The following BCAR1 variants were observed in gnomAD, a reference collection of about 807,000 sequenced individuals.
The protein encoded by BCAR1 is breast cancer anti-estrogen resistance protein 1.
In BCAR1, 30 loss-of-function variants were observed where a neutral mutation model predicts 67.6. That is an observed-to-expected ratio of 0.44 (90% CI 0.33 to 0.60). BCAR1 has a LOEUF of 0.60. BCAR1 is among the 20% of genes least tolerant of loss of function. The probability of loss-of-function intolerance (pLI) is 0.02; values close to 1 mark genes in which losing one functional copy is unlikely to be tolerated. For synonymous variants in BCAR1, 626 were observed against 556.7 expected, an observed-to-expected ratio of 1.12 and a Z score of -1.75; for missense variants, 1,313 against 1,222.3, an observed-to-expected ratio of 1.07 and a Z score of -1.11.
Position 75,233,933 on chromosome 16 carries a change from C to T in BCAR1, c.2013G>A (p.Gly671=). The T allele has an allele frequency of 6.2e-7, 1 of 1,604,572 alleles. No individual in the cohort carries two copies. The highest frequency in any genetic ancestry group is 8.5e-7 in the Non-Finnish European group (1 of 1,175,374). The change falls in exon 6 of 7, where the codon GGG becomes GGA. Residue 671 remains glycine, a splice_region_variant and synonymous_variant. Coordinates refer to ENST00000162330, the MANE Select transcript of BCAR1 (RefSeq NM_014567.5). ...MEDYDYVHLQ[G]KEEFEKTQKE... Reference sequence around the variant, plus strand: ...TCTGGGTCTTCTCAAACTCCTCCTTCCCCTGGAGGGCAGAGACAGGGGCTG... The same window carrying T: ...TCTGGGTCTTCTCAAACTCCTCCTTTCCCTGGAGGGCAGAGACAGGGGCTG...
intron 5 of BCAR1, 113 bp downstream of exon 5, chr16:75,234,776 G>A (rs1014616999): frequency 5.1e-5 from 74 of 1,441,626 alleles, no homozygotes; most frequent in Non-Finnish European, 6.3e-5. Context: ...CAAAGTGAGA[G>A]GAGGGTGCAG....
chr16:75,255,648 G>A (rs2077757138), upstream of BCAR1, among the ~76,000 whole-genome samples: 1 of 150,984 alleles, frequency 6.6e-6, no homozygotes, highest in African/African-American at 2.4e-5. Flanking sequence ...CTGAGATCAC[G>A]CCACTGTACT....
At chr16:75,267,563 G>A (rs1003699248) in intron 1 of BCAR1, among the ~76,000 whole-genome samples, 3 of 152,016 alleles carry the variant, frequency 2.0e-5, no homozygotes, top group African/African-American at 4.8e-5. Flanking sequence ...CTGGCCACAC[G>A]CCCTGCTGTC....
intron 1 of BCAR1, among the ~76,000 whole-genome samples, chr16:75,251,182 G>C (rs1296588650): frequency 6.6e-6 from 1 of 152,062 alleles, no homozygotes; most frequent in Non-Finnish European, 1.5e-5. Flanking sequence ...CCGTCGGCCG[G>C]GGAGCGCGGG....
chr16:75,258,731 G>A (rs552350414), intron 1 of BCAR1, among the ~76,000 whole-genome samples: 7 of 152,344 alleles, frequency 4.6e-5, no homozygotes, highest in Non-Finnish European at 7.3e-5. Context: ...CTCCTTCGGC[G>A]TGAAGAGCCA....
At chr16:75,248,156 T>C in intron 1 of BCAR1, 1 of 1,586,880 alleles carries the variant, frequency 6.3e-7, no homozygotes, top group Non-Finnish European at 8.5e-7. Flanking sequence ...TGAGACACGG[T>C]GGAGCTGGGT....
At chr16:75,246,460 T>C (rs557875770) in intron 1 of BCAR1, 1 of 152,384 alleles carries the variant, frequency 6.6e-6, no homozygotes, top group African/African-American at 2.4e-5. Flanking sequence ...GAGAAGGCCT[T>C]TGCATACAGG....
At chr16:75,252,340 A>G (rs867441430), upstream of BCAR1, 41 of 1,534,708 alleles carry the variant, frequency 2.7e-5, no homozygotes, top group African/African-American at 4.7e-4. Flanking sequence ...TGGGCCTAGT[A>G]CCCTCCTGAG....
chr16:75,265,811 G>GGC, intron 1 of BCAR1: 2 of 1,197,306 alleles, frequency 1.7e-6, no homozygotes, highest in African/African-American at 1.6e-5. Flanking sequence ...GGTCCCGGGC[G>GGC]GCGCGGTACT....
chr16:75,259,725 G>T (rs1162877582), intron 1 of BCAR1, among the ~76,000 whole-genome samples: 1 of 151,684 alleles, frequency 6.6e-6, no homozygotes. Context: ...GGTGGCAGGC[G>T]CCTGTAATCC....
chr16:75,253,147 G>C (rs191860067), upstream of BCAR1, among the ~76,000 whole-genome samples: 1 of 152,052 alleles, frequency 6.6e-6, no homozygotes, highest in Admixed American at 6.5e-5. Context: ...CCAGCCTTCA[G>C]GGAAGCTGCC....
At chr16:75,259,268 G>T (rs1597281531) in intron 1 of BCAR1, among the ~76,000 whole-genome samples, 1 of 152,230 alleles carries the variant, frequency 6.6e-6, no homozygotes, top group Non-Finnish European at 1.5e-5. Context: ...CATACAATTG[G>T]ATATCAGGTT....
In BCAR1 at chr16:75,229,284, C is replaced by G; in HGVS notation, c.*227G>C. 3.0e-6 allele frequency: 2 copies of G among 662,302 alleles called. No homozygotes were observed. The highest frequency in any genetic ancestry group is 4.7e-6 in the Non-Finnish European group (2 of 424,748). The allele number at this position is 662,302 out of a possible 1,614,324, so 41.0% of individuals were successfully genotyped here. On this transcript the variant is annotated 3_prime_UTR_variant, in exon 7 of 7. Transcript: ENST00000162330. ...ACCCAACCCGGGCCCGTGGTGCATG[C>G]TGGGGAAGGCCACTGGCCGGCCCCT...
rs2077103456 is a variant in BCAR1 at position 75,235,801 on chromosome 16, G to A, written c.1098C>T (p.Pro366=). ...PPAEDVYDVP[P]PAPDLYDVPP... is the part of the protein sequence containing the mutation. ...GCACGTCGTAGAGGTCAGGAGCCGGGGGCGGCACGTCATACACGTCCTCGG... is the reference window on the plus strand; with the variant it reads ...GCACGTCGTAGAGGTCAGGAGCCGGAGGCGGCACGTCATACACGTCCTCGG... The change falls in exon 5 of 7, where the codon CCC becomes CCT. Residue 366 remains proline (P), a synonymous_variant. Coordinates refer to ENST00000162330, the MANE Select transcript of BCAR1 (RefSeq NM_014567.5). 2.5e-6 allele frequency: 4 copies of A among 1,592,780 alleles called. No individual in the cohort carries two copies. The highest frequency in any genetic ancestry group is 3.4e-6 in the Non-Finnish European group (4 of 1,169,332).
In BCAR1 at chr16:75,235,816, C is replaced by A; in HGVS notation, c.1083G>T (p.Val361=). Residue 361 remains valine, a synonymous_variant, in exon 5 of 7, where the codon GTG becomes GTT. Transcript: ENST00000162330. Reference sequence around the variant, plus strand: ...CAGGAGCCGGGGGCGGCACGTCATACACGTCCTCGGCCGGCGGGGAGTCTG... The same window carrying A: ...CAGGAGCCGGGGGCGGCACGTCATAAACGTCCTCGGCCGGCGGGGAGTCTG... ...PPPDSPPAED[V]YDVPPPAPDL... 6.3e-7 allele frequency: 1 copy of A among 1,587,794 alleles called. No individual in the cohort carries two copies. Among genetic ancestry groups the A allele is most frequent in the Non-Finnish European group, 8.6e-7 (1 of 1,167,896 alleles).
At chr16:75,233,732 C>T in intron 6 of BCAR1, 114 bp downstream of exon 6, 1 of 1,080,168 alleles carries the variant, frequency 9.3e-7, no homozygotes, top group Non-Finnish European at 1.3e-6. Flanking sequence ...CAGCTCTGAG[C>T]ACTGTCAGAC....
chr16:75,243,980 G>A (rs1487512523), intron 1 of BCAR1, among the ~76,000 whole-genome samples: 2 of 152,234 alleles, frequency 1.3e-5, no homozygotes, highest in Admixed American at 6.5e-5. Flanking sequence ...AAAGGCAGGT[G>A]TGAGGGAGGC....
chr16:75,234,164 G>GACACACACAC (rs60447098), intron 5 of BCAR1, among the ~76,000 whole-genome samples: 68 of 95,020 alleles, frequency 7.2e-4, no homozygotes, highest in African/African-American at 2.0e-3. Flanking sequence ...CAGGCAGACA[G>GACACACACAC]ACACACACAC....
chr16:75,237,147 G>A lies in BCAR1; in HGVS notation c.795+36C>T, dbSNP rs565891601. 76 of 1,492,312 alleles carry A rather than the reference G, an allele frequency of 5.1e-5. 1 individual carries two copies. In the South Asian group the frequency reaches 8.5e-4, roughly 17 times the overall value. 92.4% of individuals were successfully genotyped at this position (1,492,312 alleles called of 1,614,324 possible). A position where few individuals can be genotyped will look rare whatever the true frequency, so the allele number is the denominator to read the frequency against. ...GGCCAAGCAGAGGCACAGACTTGCC[G>A]CCCTGCCCTCCCACCGCTGCGCACC... is the stretch of plus-strand genomic sequence containing the variant. On this transcript the variant is annotated intron_variant, in intron 3 of 6. Transcript: ENST00000162330.
Sources: gnomAD v4.1 joint callset for allele counts (sites outside exome capture counted in the v4.1 genomes callset) on GRCh38, gnomAD v4.1.1 for gene constraint, MANE v1.5 for transcripts, NCBI Gene and HGNC (gene_info 2026-07-23, HGNC 2026-07-21) for gene names.